The following IFT81 variants were observed in gnomAD, a reference collection of about 807,000 sequenced individuals.
IFT81 encodes the protein intraflagellar transport protein 81 homolog.
In IFT81, 72 loss-of-function variants were observed where a neutral mutation model predicts 102.6. The observed-to-expected ratio is 0.70, with a 90% CI of 0.58 to 0.85. The LOEUF (loss-of-function observed/expected upper bound fraction) is 0.85. IFT81 is among the 40% of genes least tolerant of loss of function. The probability of loss-of-function intolerance (pLI) is 0.00; values close to 1 mark genes in which losing one functional copy is unlikely to be tolerated. For synonymous variants in IFT81, 237 were observed against 242.7 expected (o/e 0.98, Z 0.22); for missense variants, 723 against 787.3 (o/e 0.92, Z 0.98).
intron 9 of IFT81, among the ~76,000 whole-genome samples, chr12:110,145,443 GTT>G (rs111355149): frequency 2.2e-5 from 3 of 137,686 alleles, no homozygotes; most frequent in African/African-American, 2.7e-5. Flanking sequence ...GGTTTTTTTT[GTT>G]TTTTTTTTTT....
intron 10 of IFT81, among the ~76,000 whole-genome samples, chr12:110,152,548 A>G (rs541788427): frequency 8.6e-5 from 13 of 151,076 alleles, no homozygotes; most frequent in African/African-American, 3.2e-4. Context: ...TGTTAACCCC[A>G]TTTTTGAATT....
At chr12:110,151,329 C>T (rs1177029504) in intron 10 of IFT81, among the ~76,000 whole-genome samples, 1 of 152,076 alleles carries the variant, frequency 6.6e-6, no homozygotes, top group Non-Finnish European at 1.5e-5. Context: ...TTTTAAAGTC[C>T]ATCCATGTTG....
intron 11 of IFT81, among the ~76,000 whole-genome samples, chr12:110,170,008 A>G (rs1284119625): frequency 6.6e-6 from 1 of 151,722 alleles, no homozygotes; most frequent in Non-Finnish European, 1.5e-5. Flanking sequence ...GCTGGAGTGC[A>G]GTGGTGCGAT....
chr12:110,206,060 C>T (rs1281764828), intron 17 of IFT81, among the ~76,000 whole-genome samples: 1 of 152,134 alleles, frequency 6.6e-6, no homozygotes, highest in Non-Finnish European at 1.5e-5. Flanking sequence ...TCTTCATTCC[C>T]CGCCACCCAG....
At chr12:110,139,771 C>T (rs1164561643) in intron 8 of IFT81, among the ~76,000 whole-genome samples, 1 of 143,968 alleles carries the variant, frequency 6.9e-6, no homozygotes, top group Non-Finnish European at 1.5e-5. Context: ...GAGACTCCAT[C>T]TCAAAATAAA....
chr12:110,129,579 G>A (rs545462912), intron 4 of IFT81, among the ~76,000 whole-genome samples: 2 of 152,216 alleles, frequency 1.3e-5, no homozygotes, highest in South Asian at 4.2e-4. Flanking sequence ...AAAGAAGCAG[G>A]CAAAGAACCT....
intron 17 of IFT81, 53 bp downstream of exon 17, chr12:110,205,733 AG>A (rs1383344725): frequency 1.7e-6 from 2 of 1,143,866 alleles, no homozygotes; most frequent in Non-Finnish European, 1.3e-6. Context: ...CACCAATAAA[AG>A]TTTTATAAAT....
At chr12:110,185,553 C>T (rs1034808850) in intron 12 of IFT81, among the ~76,000 whole-genome samples, 1 of 151,964 alleles carries the variant, frequency 6.6e-6, no homozygotes, top group African/African-American at 2.4e-5. Flanking sequence ...AACACTTTAA[C>T]TTTGTTTACC....
At chr12:110,133,160 C>T (rs930847864) in intron 5 of IFT81, among the ~76,000 whole-genome samples, 12 of 151,534 alleles carry the variant, frequency 7.9e-5, no homozygotes, top group African/African-American at 2.4e-4. Context: ...TTTGTAGAGA[C>T]GGGATTTTGC....
At chr12:110,213,229 CTCTT>C (rs562138622) in intron 18 of IFT81, among the ~76,000 whole-genome samples, 69 of 152,188 alleles carry the variant, frequency 4.5e-4, no homozygotes, top group African/African-American at 1.7e-3. Flanking sequence ...TCTTAAGTCT[CTCTT>C]TCTCCAGGTT....
At chr12:110,147,731 C>G (rs1895303371) in intron 10 of IFT81, among the ~76,000 whole-genome samples, 1 of 152,124 alleles carries the variant, frequency 6.6e-6, no homozygotes, top group Non-Finnish European at 1.5e-5. Flanking sequence ...TCAATAAACC[C>G]TCATGTGTCC....
chr12:110,172,903 A>C (rs1896811683), intron 11 of IFT81, among the ~76,000 whole-genome samples: 1 of 152,216 alleles, frequency 6.6e-6, no homozygotes, highest in African/African-American at 2.4e-5. Context: ...GAAAGTGAGG[A>C]GCGTCTCCGC....
At chr12:110,206,042 G>A (rs1868579209) in intron 17 of IFT81, among the ~76,000 whole-genome samples, 3 of 152,190 alleles carry the variant, frequency 2.0e-5, no homozygotes, top group African/African-American at 7.2e-5. Context: ...TAACCATTAA[G>A]CAATAACTCT....
rs777815051 is a variant in IFT81, at chr12:110,143,426, A to G, written c.826A>G (p.Met276Val). The G allele has an allele frequency of 1.0e-5, 15 of 1,488,496 alleles. No homozygotes were observed. The African/African-American group carries it at 1.6e-4, about 16-fold the overall frequency. The allele number at this position is 1,488,496 out of a possible 1,614,324, so 92.2% of individuals were successfully genotyped here. A position where few individuals can be genotyped will look rare whatever the true frequency, so the allele number is the denominator to read the frequency against. Residue 276 changes from methionine to valine, a missense_variant, in exon 9 of 19, where the codon ATG (methionine) becomes GTG (valine). Physicochemically the swap from Met to Val is conservative, Grantham distance 21. Transcript: ENST00000242591. ...GGAGGAGATAAAATTTAATTTATAT[A>G]TGGTAACTGAAAAATTTCCTAAAGA... ...LEEEIKFNLY[M>V]VTEKFPKELE... is the part of the protein sequence containing the mutation.
intron 8 of IFT81, among the ~76,000 whole-genome samples, chr12:110,142,961 A>C (rs1894988700): frequency 6.6e-6 from 1 of 152,154 alleles, no homozygotes. Context: ...AAAAGAAAAA[A>C]AATACATGAT....
chr12:110,153,985 G>C (rs554740483), intron 10 of IFT81, among the ~76,000 whole-genome samples: 8 of 151,706 alleles, frequency 5.3e-5, no homozygotes, highest in Admixed American at 2.0e-4. Context: ...GCTTTTCTTT[G>C]TTGGGATATT....
At chr12:110,147,261 T>A (rs1480219961) in intron 10 of IFT81, among the ~76,000 whole-genome samples, 1 of 152,238 alleles carries the variant, frequency 6.6e-6, no homozygotes, top group Non-Finnish European at 1.5e-5. Context: ...AATGCTTAGT[T>A]TCCTTAGCAT....
chr12:110,171,630 A>T (rs1896734160), intron 11 of IFT81, among the ~76,000 whole-genome samples: 2 of 152,156 alleles, frequency 1.3e-5, no homozygotes, highest in African/African-American at 4.8e-5. Flanking sequence ...ATGTGTATTT[A>T]TGTGGGACTA....
chr12:110,142,447 G>A (rs1319879067), intron 8 of IFT81, among the ~76,000 whole-genome samples: 3 of 152,122 alleles, frequency 2.0e-5, no homozygotes, highest in Non-Finnish European at 2.9e-5. Flanking sequence ...AATTACAGGC[G>A]TGAGCCACTG....
Sources: gnomAD v4.1 joint callset for allele counts (sites outside exome capture counted in the v4.1 genomes callset) on GRCh38, gnomAD v4.1.1 for gene constraint, MANE v1.5 for transcripts, NCBI Gene and HGNC (gene_info 2026-07-23, HGNC 2026-07-21) for gene names.